SH3PXD2A: variants seen among roughly 807,000 people sequenced by gnomAD.
SH3PXD2A encodes SH3 and PX domains 2A.
In SH3PXD2A, 32 loss-of-function variants were observed where a neutral mutation model predicts 115.2. The observed-to-expected ratio is 0.28, with a 90% CI of 0.21 to 0.37. SH3PXD2A has a LOEUF of 0.37. Among genes scored for constraint, SH3PXD2A ranks in the 10% least tolerant of loss-of-function variants. The pLI is 1.00. For synonymous variants in SH3PXD2A, 610 were observed against 629.1 expected (o/e 0.97, Z 0.45); for missense variants, 1,328 against 1,498.7 (o/e 0.89, Z 1.88).
intron 2 of SH3PXD2A, among the ~76,000 whole-genome samples, chr10:103,767,818 T>TGTTTTGTTTTG (rs1554921219): frequency 6.8e-6 from 1 of 146,974 alleles, no homozygotes; most frequent in African/African-American, 2.6e-5. Context: ...TTGTTTTTTT[T>TGTTTTGTTTTG]TTTTTTTTTT....
chr10:103,773,463 G>A lies in SH3PXD2A; in HGVS notation c.154-6294C>T, dbSNP rs539236052. 1.6e-4 allele frequency among the ~76,000 whole-genome samples: 23 copies of A among 147,686 alleles called. No individual in the cohort carries two copies. In the South Asian group the frequency reaches 3.6e-3, roughly 23 times the overall value. On this transcript the variant is annotated intron_variant, in intron 2 of 14. Coordinates refer to ENST00000369774, the MANE Select transcript of SH3PXD2A (RefSeq NM_001394015.1). Reference sequence around the variant, plus strand: ...TCTTTCTTTTTTTTTTTTTTGAGACGGAGTCTCGCTCTGTTGCCCAGGCTG... The same window carrying A: ...TCTTTCTTTTTTTTTTTTTTGAGACAGAGTCTCGCTCTGTTGCCCAGGCTG...
intron 8 of SH3PXD2A, among the ~76,000 whole-genome samples, chr10:103,655,270 T>C (rs1344755297): frequency 6.6e-6 from 1 of 152,180 alleles, no homozygotes; most frequent in Non-Finnish European, 1.5e-5. Context: ...CTTAAAAGAC[T>C]GTTGCAGAAA....
chr10:103,808,106 C>T (rs1233082306), intron 1 of SH3PXD2A, among the ~76,000 whole-genome samples: 1 of 152,044 alleles, frequency 6.6e-6, no homozygotes, highest in Non-Finnish European at 1.5e-5. Context: ...TGCAGCCCAC[C>T]CAGCAGAGCA....
Position 103,719,721 on chromosome 10 carries a change from C to CTTTT in SH3PXD2A, c.398+4545_398+4548dup, listed in dbSNP as rs11438501. ...TTTCTTTTTCTTTTTTTTTTTCTTT[C>CTTTT]TTTTTTTTTTTTTTTTTGAGATGGA... On this transcript the variant is annotated intron_variant, in intron 5 of 14. Coordinates refer to ENST00000369774, the MANE Select transcript of SH3PXD2A (RefSeq NM_001394015.1). Among the ~76,000 whole-genome samples the CTTTT allele has an allele frequency of 1.5e-4, 17 of 114,712 alleles. 1 individual carries two copies. Among genetic ancestry groups the CTTTT allele is most frequent in the African/African-American group, 2.8e-4 (8 of 28,826 alleles). 75.3% of individuals were successfully genotyped at this position (114,712 alleles called of 152,430 possible). A position where few individuals can be genotyped will look rare whatever the true frequency, so the allele number is the denominator to read the frequency against.
chr10:103,843,348 A>G (rs2039618431), intron 1 of SH3PXD2A, among the ~76,000 whole-genome samples: 1 of 152,212 alleles, frequency 6.6e-6, no homozygotes. Flanking sequence ...TGGTTTCCAG[A>G]GCCTGGTTTT....
At chr10:103,842,215 A>AC (rs11418034) in intron 1 of SH3PXD2A, among the ~76,000 whole-genome samples, 131,635 of 151,058 alleles carry the variant, frequency 0.87, 58,501 homozygotes, top group East Asian at 0.99. Context: ...ACGCCATTCA[A>AC]CCCCCATCTC....
In SH3PXD2A at chr10:103,596,208, G is replaced by A. The variant is rs543725076; in HGVS notation, c.*5608C>T. ...AAGGGCTGGCAGCTTTCATTATAAG[G>A]GGCTTCTCATACCCATGGCATGGCT... On this transcript the variant is annotated 3_prime_UTR_variant, in exon 15 of 15. Transcript: ENST00000369774. 1.2e-4 allele frequency: 18 copies of A among 152,428 alleles called. No homozygotes were observed. Among genetic ancestry groups the A allele is most frequent in the Non-Finnish European group, 2.6e-4 (18 of 68,022 alleles). 9.4% of individuals were successfully genotyped at this position (152,428 alleles called of 1,614,324 possible).
intron 6 of SH3PXD2A, among the ~76,000 whole-genome samples, chr10:103,692,356 G>A (rs2037763168): frequency 7.0e-6 from 1 of 142,598 alleles, no homozygotes; most frequent in African/African-American, 2.5e-5. Flanking sequence ...CTCTGGGCGG[G>A]CCCTGGCACC....
chr10:103,843,149 C>T (rs940981917), intron 1 of SH3PXD2A, among the ~76,000 whole-genome samples: 1 of 152,184 alleles, frequency 6.6e-6, no homozygotes, highest in Non-Finnish European at 1.5e-5. Context: ...ACCCATTTTA[C>T]TTAGGAAACT....
rs2036243431 is a variant in SH3PXD2A at position 103,603,034 on chromosome 10, G to A, written c.2184C>T (p.Ile728=). Reference sequence around the variant, plus strand: ...TTGCCCTGACCTTGGGAGTGCCGCGGATGCCTGCGTCCGAAGCAGAGCGGG... The same window carrying A: ...TTGCCCTGACCTTGGGAGTGCCGCGAATGCCTGCGTCCGAAGCAGAGCGGG... ...LKPRSASDAG[I]RGTPKVRAKK... Residue 728 remains isoleucine (I), a synonymous_variant, in exon 15 of 15, where the codon ATC becomes ATT. Transcript: ENST00000369774. 6.2e-7 allele frequency: 1 copy of A among 1,613,960 alleles called. No individual in the cohort carries two copies. The highest frequency in any genetic ancestry group is 1.3e-5 in the African/African-American group (1 of 74,952).
chr10:103,801,566 C>CACACACACACACACACACAT (rs1279669002), intron 1 of SH3PXD2A, among the ~76,000 whole-genome samples: 1 of 151,814 alleles, frequency 6.6e-6, no homozygotes. Context: ...CACACACACA[C>CACACACACACACACACACAT]ATACCCCTAG....
chr10:103,647,144 G>A (rs2037047871), intron 8 of SH3PXD2A, among the ~76,000 whole-genome samples: 1 of 152,256 alleles, frequency 6.6e-6, no homozygotes, highest in African/African-American at 2.4e-5. Context: ...AGTCCCAGCT[G>A]TCACCCATGA....
chr10:103,617,065 C>G, intron 11 of SH3PXD2A, 132 bp downstream of exon 11: 1 of 687,014 alleles, frequency 1.5e-6, no homozygotes, highest in East Asian at 2.5e-5. Context: ...AGAGGTGCAG[C>G]AGCCCAGCCC....
chr10:103,626,530 G>A (rs1386745227), intron 9 of SH3PXD2A, among the ~76,000 whole-genome samples: 2 of 151,884 alleles, frequency 1.3e-5, no homozygotes, highest in African/African-American at 4.8e-5. Flanking sequence ...GGCTTAGAGG[G>A]CAGGGGCAGA....
intron 5 of SH3PXD2A, among the ~76,000 whole-genome samples, chr10:103,714,019 G>A (rs143018719): frequency 5.6e-4 from 85 of 152,336 alleles, no homozygotes; most frequent in African/African-American, 2.0e-3. Flanking sequence ...AACAGAGGAA[G>A]GCTGGTCCCA....
intron 3 of SH3PXD2A, among the ~76,000 whole-genome samples, chr10:103,761,297 G>A (rs1468226673): frequency 2.6e-5 from 4 of 152,140 alleles, no homozygotes. Context: ...TCCTTAAAAT[G>A]GGAATAATGC....
chr10:103,743,425 C>T (rs546934761), intron 3 of SH3PXD2A, among the ~76,000 whole-genome samples: 1 of 152,230 alleles, frequency 6.6e-6, no homozygotes, highest in African/African-American at 2.4e-5. Flanking sequence ...AGGATCTCAT[C>T]TGCCACCCAG....
At chr10:103,619,706 G>A (rs1050516285) in intron 10 of SH3PXD2A, among the ~76,000 whole-genome samples, 2 of 152,208 alleles carry the variant, frequency 1.3e-5, no homozygotes, top group Non-Finnish European at 2.9e-5. Context: ...TTGGGGGTGG[G>A]GGCAGAACCA....
At chr10:103,796,267 G>T (rs1305238350) in intron 2 of SH3PXD2A, among the ~76,000 whole-genome samples, 1 of 151,858 alleles carries the variant, frequency 6.6e-6, no homozygotes, top group Non-Finnish European at 1.5e-5. Flanking sequence ...GGAGGCTCAG[G>T]CTGGAAGATC....
Sources: gnomAD v4.1 joint callset for allele counts (sites outside exome capture counted in the v4.1 genomes callset) on GRCh38, gnomAD v4.1.1 for gene constraint, MANE v1.5 for transcripts, NCBI Gene and HGNC (gene_info 2026-07-23, HGNC 2026-07-21) for gene names.